The following NINL variants were observed in gnomAD, a reference collection of about 807,000 sequenced individuals.
The protein encoded by NINL is ninein like.
A neutral mutation model predicts 160.3 loss-of-function variants in NINL; 153 were observed. That is an observed-to-expected ratio of 0.95 (90% CI 0.84 to 1.09). The LOEUF (loss-of-function observed/expected upper bound fraction) is 1.09, where lower values mean the gene tolerates loss of function less well. NINL is among the 50% of genes least tolerant of loss of function. The pLI is 0.00. For synonymous variants in NINL, 800 were observed against 734.8 expected (o/e 1.09, Z -1.43); for missense variants, 1,829 against 1,764.0 (o/e 1.04, Z -0.66).
intron 5 of NINL, among the ~76,000 whole-genome samples, chr20:25,506,485 G>A (rs1427579942): frequency 6.6e-6 from 1 of 152,088 alleles, no homozygotes; most frequent in East Asian, 1.9e-4. Flanking sequence ...GATGCTCCCC[G>A]ACTTATGATG....
chr20:25,491,420 C>T lies in NINL; in HGVS notation c.1416G>A (p.Leu472=). The T allele has an allele frequency of 6.2e-7, 1 of 1,613,546 alleles. No individual in the cohort carries two copies. Among genetic ancestry groups the T allele is most frequent in the Non-Finnish European group, 8.5e-7 (1 of 1,180,012 alleles). ...WEQAHRQRAA[L]EWDVGRLQAE... The stretch of plus-strand genomic sequence containing the variant: ...CCTGCAGGCGCCCCACGTCCCACTC[C>T]AGCGCGGCCCTCTGCCTGTGGGCCT... Residue 472 remains leucine, a synonymous_variant, in exon 11 of 24, where the codon CTG becomes CTA. Transcript: ENST00000278886.
intron 2 of NINL, among the ~76,000 whole-genome samples, chr20:25,524,398 G>C (rs1296354283): frequency 6.6e-6 from 1 of 152,214 alleles, no homozygotes; most frequent in African/African-American, 2.4e-5. Context: ...TGGGAAGCAT[G>C]GCTGTAGGAG....
At chr20:25,579,017 C>G (rs2065145994) in intron 1 of NINL, among the ~76,000 whole-genome samples, 1 of 152,154 alleles carries the variant, frequency 6.6e-6, no homozygotes, top group Non-Finnish European at 1.5e-5. Flanking sequence ...TTTGAGCTAA[C>G]AGTCCTCATA....
At position 25,458,398 on chromosome 20, in the gene NINL, G is replaced by A; in HGVS notation, c.3828C>T (p.Arg1276=). Residue 1276 remains arginine, a synonymous_variant, in exon 22 of 24, where the codon CGC becomes CGT. Transcript: ENST00000278886. ...CCCCACTTACCCGCTGTGCATCCAG[G>A]CGCCTCCTGGCCTGCTCTCCCTGAA... The part of the protein sequence containing the change: ...LSLQGEQARR[R]LDAQREEHEK... 1 of 1,606,504 alleles carries A rather than the reference G, an allele frequency of 6.2e-7. No individual in the cohort carries two copies. The highest frequency in any genetic ancestry group is 8.5e-7 in the Non-Finnish European group (1 of 1,179,958).
intron 1 of NINL, among the ~76,000 whole-genome samples, chr20:25,560,759 C>T (rs982669720): frequency 6.6e-6 from 1 of 152,058 alleles, no homozygotes; most frequent in African/African-American, 2.4e-5. Context: ...AACCTAAGAG[C>T]CCTACAACGA....
chr20:25,477,107 TCA>T lies in NINL; in HGVS notation c.2202-20_2202-19del, dbSNP rs775260768. ...CCTCTCTCCTGTGGAAGTAGAACCG[TCA>T]CACACCACAGCCCTGCCGCCCCCAG... On this transcript the variant is annotated intron_variant, in intron 16 of 23. Transcript: ENST00000278886. The T allele has an allele frequency of 1.3e-5, 20 of 1,575,470 alleles. No homozygotes were observed. The African/African-American group carries it at 2.4e-4, about 19-fold the overall frequency.
chr20:25,458,325 G>A (rs2090743440), intron 22 of NINL, 58 bp downstream of exon 22: 2 of 1,591,192 alleles, frequency 1.3e-6, no homozygotes, highest in Non-Finnish European at 1.7e-6. Flanking sequence ...AGGACCGGTG[G>A]GCCCGCCTCA....
Position 25,458,354 on chromosome 20 carries a change from C to T in NINL, c.3843+29G>A, listed in dbSNP as rs41309349. Reference sequence around the variant, plus strand: ...CGCCTCACCCTCCTCCTCATCTCGTCAGCCATCTCTCGCTGCATCCCCACT... The same window carrying T: ...CGCCTCACCCTCCTCCTCATCTCGTTAGCCATCTCTCGCTGCATCCCCACT... On this transcript the variant is annotated intron_variant, in intron 22 of 23. Transcript: ENST00000278886. 2.9e-5 allele frequency: 46 copies of T among 1,603,448 alleles called. No individual in the cohort carries two copies. In the African/African-American group the frequency reaches 2.9e-4, roughly 10 times the overall value.
intron 2 of NINL, among the ~76,000 whole-genome samples, chr20:25,523,733 C>T (rs926123844): frequency 6.6e-6 from 1 of 152,166 alleles, no homozygotes; most frequent in African/African-American, 2.4e-5. Flanking sequence ...ACCTCCACCT[C>T]CCGGGTTCAA....
intron 1 of NINL, among the ~76,000 whole-genome samples, chr20:25,561,887 G>A (rs547127059): frequency 1.4e-3 from 203 of 143,362 alleles, no homozygotes; most frequent in East Asian, 4.4e-3. Context: ...CAGCCACCCC[G>A]TCCGGAAGGG....
chr20:25,467,783 GAAT>G (rs2062955792), intron 18 of NINL, among the ~76,000 whole-genome samples: 1 of 152,160 alleles, frequency 6.6e-6, no homozygotes, highest in Admixed American at 6.5e-5. Flanking sequence ...TCAAATACAT[GAAT>G]ATTTCTTTTG....
intron 13 of NINL, among the ~76,000 whole-genome samples, chr20:25,488,584 T>A (rs1182599078): frequency 6.6e-6 from 1 of 151,900 alleles, no homozygotes. Context: ...TCATGTGATA[T>A]CATGATGGAC....
rs1007222923 is a variant in NINL at position 25,462,469 on chromosome 20, G to A, written c.3496C>T (p.His1166Tyr). 6.2e-7 allele frequency: 1 copy of A among 1,614,178 alleles called. No homozygotes were observed. Among genetic ancestry groups the A allele is most frequent in the East Asian group, 2.2e-5 (1 of 44,880 alleles). The change falls in exon 20 of 24, where the codon CAC becomes TAC. Residue 1166 changes from histidine to tyrosine, a missense_variant. Transcript: ENST00000278886. The stretch of plus-strand genomic sequence containing the variant: ...CGATGCTCCTCGTTTTGGGCCTGGT[G>A]GGTAGAAGCCTCCTGTCCCAGTTGA... Reference protein sequence around the residue: ...VLQLGQEASTHQAQNEEHRVT... With the variant: ...VLQLGQEASTYQAQNEEHRVT...
At chr20:25,544,142 T>C (rs2064705373) in intron 1 of NINL, among the ~76,000 whole-genome samples, 1 of 142,668 alleles carries the variant, frequency 7.0e-6, no homozygotes, top group Non-Finnish European at 1.5e-5. Flanking sequence ...CACACTCACC[T>C]AGCCTCACTC....
chr20:25,540,824 C>T (rs2064651008), intron 1 of NINL, among the ~76,000 whole-genome samples: 1 of 152,140 alleles, frequency 6.6e-6, no homozygotes. Flanking sequence ...GGATTAACTT[C>T]CGCTTTAAGT....
rs533181229 is a variant in NINL, at chr20:25,459,689, C to A, written c.3697-1160G>T. ...CAGGTCCTTGGACTGCACCACCCCC[C>A]ACAGCCATCCTGGGACCGAACCCCC... On this transcript the variant is annotated intron_variant, in intron 21 of 23. Transcript: ENST00000278886. Among the ~76,000 whole-genome samples the A allele has an allele frequency of 9.9e-5, 15 of 152,262 alleles. No individual in the cohort carries two copies. In the East Asian group the frequency reaches 2.9e-3, roughly 29 times the overall value.
At chr20:25,523,227 T>C (rs1195147751) in intron 2 of NINL, among the ~76,000 whole-genome samples, 4 of 149,840 alleles carry the variant, frequency 2.7e-5, no homozygotes, top group African/African-American at 1.0e-4. Context: ...AATATATATA[T>C]ATGAGAGAAT....
chr20:25,491,253 T>TG, intron 11 of NINL, 98 bp downstream of exon 11: 1 of 1,398,244 alleles, frequency 7.2e-7, no homozygotes, highest in Non-Finnish European at 9.7e-7. Flanking sequence ...TTGAGGGCAC[T>TG]GGCAGGTGTG....
intron 1 of NINL, among the ~76,000 whole-genome samples, chr20:25,535,394 G>A (rs1198102568): frequency 6.6e-6 from 1 of 152,204 alleles, no homozygotes; most frequent in African/African-American, 2.4e-5. Context: ...ATTGCTATGA[G>A]AGTAGATCTT....
Sources: allele counts gnomAD v4.1 joint callset (sites outside exome capture counted in the v4.1 genomes callset), GRCh38; gene constraint gnomAD v4.1.1; transcripts MANE v1.5; gene names NCBI Gene and HGNC (gene_info 2026-07-23, HGNC 2026-07-21).